GOLM2: variants seen among roughly 807,000 people sequenced by gnomAD.
The protein encoded by GOLM2 is protein GOLM2.
In GOLM2, 26 loss-of-function variants were observed where a neutral mutation model predicts 55.9. The ratio of observed to expected loss-of-function variants is 0.47; its 90% confidence interval spans 0.34 to 0.65. The LOEUF (loss-of-function observed/expected upper bound fraction) is 0.65. Ranked by LOEUF, GOLM2 falls within the 30% of genes least tolerant of loss-of-function variation. The pLI is 0.01. For missense variants in GOLM2, 486 were observed against 531.8 expected, an observed-to-expected ratio of 0.91 and a Z score of 0.85; for synonymous variants, 165 against 194.6, an observed-to-expected ratio of 0.85 and a Z score of 1.27.
Position 44,415,545 on chromosome 15 carries a change from A to G in GOLM2, c.*2139A>G, listed in dbSNP as rs2079668179. ...ATTGATAATATTTCTGACTGTATTA[A>G]TATTTTAGTGCTATAAAATACTATG... On this transcript the variant is annotated 3_prime_UTR_variant, in exon 10 of 10. Coordinates refer to ENST00000299957, the MANE Select transcript of GOLM2 (RefSeq NM_138423.4). The G allele has an allele frequency of 1.3e-5, 2 of 152,642 alleles. No individual in the cohort carries two copies. 9.5% of individuals were successfully genotyped at this position (152,642 alleles called of 1,614,324 possible). A position where few individuals can be genotyped will look rare whatever the true frequency, so the allele number is the denominator to read the frequency against.
chr15:44,312,294 T>C (rs1253099653), intron 1 of GOLM2, among the ~76,000 whole-genome samples: 3 of 152,142 alleles, frequency 2.0e-5, no homozygotes, highest in African/African-American at 7.2e-5. Context: ...CGTTACATAT[T>C]ATATTTCTCC....
intron 1 of GOLM2, among the ~76,000 whole-genome samples, chr15:44,307,041 A>G (rs2078842041): frequency 6.6e-6 from 1 of 152,168 alleles, no homozygotes; most frequent in Non-Finnish European, 1.5e-5. Context: ...ACATAGGGAC[A>G]TGAAGTGAGC....
At chr15:44,392,247 C>T (rs2079495644) in intron 8 of GOLM2, among the ~76,000 whole-genome samples, 1 of 152,060 alleles carries the variant, frequency 6.6e-6, no homozygotes, top group African/African-American at 2.4e-5. Flanking sequence ...TTTTATGAGA[C>T]CAGCATAAGT....
At chr15:44,401,088 C>G (rs1244810205) in intron 8 of GOLM2, among the ~76,000 whole-genome samples, 1 of 152,066 alleles carries the variant, frequency 6.6e-6, no homozygotes, top group Non-Finnish European at 1.5e-5. Context: ...TGTTCCATTG[C>G]AATGTAAATT....
At chr15:44,335,867 T>G (rs2079052699) in intron 4 of GOLM2, among the ~76,000 whole-genome samples, 1 of 148,144 alleles carries the variant, frequency 6.8e-6, no homozygotes, top group Non-Finnish European at 1.5e-5. Flanking sequence ...CAGGCTGGAG[T>G]ACAGTGGCCC....
intron 2 of GOLM2, among the ~76,000 whole-genome samples, chr15:44,326,450 C>A (rs930602649): frequency 1.1e-4 from 16 of 151,474 alleles, no homozygotes; most frequent in Admixed American, 1.1e-3. Flanking sequence ...TTTTATTCTT[C>A]GTTATTGCCA....
At chr15:44,337,656 G>A (rs2079065914) in intron 4 of GOLM2, 107 bp from the exon 5 acceptor site, 1 of 727,210 alleles carries the variant, frequency 1.4e-6, no homozygotes, top group Admixed American at 3.7e-5. Flanking sequence ...TTGAACCCAT[G>A]GTATATGTTT....
At chr15:44,366,867 A>G (rs2079289652) in intron 6 of GOLM2, among the ~76,000 whole-genome samples, 1 of 152,176 alleles carries the variant, frequency 6.6e-6, no homozygotes, top group African/African-American at 2.4e-5. Flanking sequence ...TGTCAAAGAA[A>G]AAAACAAAAA....
chr15:44,328,973 A>G, intron 3 of GOLM2, among the ~76,000 whole-genome samples, 186 bp downstream of exon 3: 1 of 151,904 alleles, frequency 6.6e-6, no homozygotes, highest in Admixed American at 6.6e-5. Flanking sequence ...TTTTATTTTG[A>G]TAAATTAAAC....
chr15:44,310,474 A>G (rs537167362), intron 1 of GOLM2, among the ~76,000 whole-genome samples: 16 of 132,298 alleles, frequency 1.2e-4, no homozygotes, highest in Admixed American at 2.9e-4. Context: ...ATATATGTAT[A>G]TATATATATA....
In GOLM2 at chr15:44,338,282, A is replaced by AT; in HGVS notation, c.767_768insT (p.Glu256AspfsTer3). 1.2e-6 allele frequency: 2 copies of AT among 1,613,910 alleles called. No homozygotes were observed. On this transcript the variant is annotated frameshift_variant, in exon 6 of 10. Coordinates refer to ENST00000299957, the MANE Select transcript of GOLM2 (RefSeq NM_138423.4). LOFTEE classifies it high-confidence loss of function. Reference sequence around the variant, plus strand: ...GATGCAGGGATGCCTGGAATAGAAGAGAATGACCTAGCAAAAGTTGATGAT... The same window carrying AT: ...GATGCAGGGATGCCTGGAATAGAAGATGAATGACCTAGCAAAAGTTGATGAT...
chr15:44,306,043 T>C (rs1277013501), intron 1 of GOLM2, among the ~76,000 whole-genome samples: 1 of 152,236 alleles, frequency 6.6e-6, no homozygotes, highest in Non-Finnish European at 1.5e-5. Context: ...GAGCGTTGGC[T>C]TCCACTTAAA....
rs913156836 is a variant in GOLM2 at position 44,414,539 on chromosome 15, G to A, written c.*1133G>A. ...AGTTGAAGTTGGTGAAGACATTCAT[G>A]ATTTAAACACCAGATCCTGAAAGGG... On this transcript the variant is annotated 3_prime_UTR_variant, in exon 10 of 10. Coordinates refer to ENST00000299957, the MANE Select transcript of GOLM2 (RefSeq NM_138423.4). 6.6e-6 allele frequency: 1 copy of A among 152,124 alleles called. No individual in the cohort carries two copies. The highest frequency in any genetic ancestry group is 2.4e-5 in the African/African-American group (1 of 41,432). The allele number at this position is 152,124 out of a possible 1,614,324, so 9.4% of individuals were successfully genotyped here. A position where few individuals can be genotyped will look rare whatever the true frequency, so the allele number is the denominator to read the frequency against.
rs1384780057 is a variant in GOLM2, at chr15:44,289,080, G to T, written c.51G>T (p.Val17=). 3 of 1,614,088 alleles carry T rather than the reference G, an allele frequency of 1.9e-6. No homozygotes were observed. Among genetic ancestry groups the T allele is most frequent in the Non-Finnish European group, 2.5e-6 (3 of 1,179,992 alleles). ...GGGCTGGCCGCCTGCCCTCTCTCGT[G>T]CTGGTGGTGCTGCTGGTGGTGATCG... ...NRRAGRLPSL[V]LVVLLVVIVV... is the part of the protein sequence containing the mutation. Residue 17 remains valine, a synonymous_variant, in exon 1 of 10, where the codon GTG becomes GTT. Coordinates refer to ENST00000299957, the MANE Select transcript of GOLM2 (RefSeq NM_138423.4). This position sits in a 1 kb window ranked among gnomAD's most constrained non-coding sequence, Gnocchi z 4.8.
intron 6 of GOLM2, among the ~76,000 whole-genome samples, chr15:44,363,166 T>G (rs2079254682): frequency 6.6e-6 from 1 of 152,086 alleles, no homozygotes; most frequent in South Asian, 2.1e-4. Context: ...CCAAAAGCAA[T>G]GGCAACAAAA....
At chr15:44,396,410 TACATTTGCTTTCTCATTTA>T (rs1246969283) in intron 8 of GOLM2, among the ~76,000 whole-genome samples, 4 of 152,200 alleles carry the variant, frequency 2.6e-5, no homozygotes, top group African/African-American at 9.6e-5. Flanking sequence ...GAGAAATGGC[TACATTTGCTTTCTCATTTA>T]ACATTTGCTT....
At chr15:44,300,031 T>G (rs1232420120) in intron 1 of GOLM2, among the ~76,000 whole-genome samples, 3 of 150,884 alleles carry the variant, frequency 2.0e-5, no homozygotes, top group Non-Finnish European at 4.4e-5. Flanking sequence ...GCCCAGGAGT[T>G]TGAAGCTGCA....
chr15:44,387,847 CTTTA>C (rs1199639337), intron 8 of GOLM2, among the ~76,000 whole-genome samples: 1 of 151,326 alleles, frequency 6.6e-6, no homozygotes, highest in Non-Finnish European at 1.5e-5. Context: ...CACAAAAGGT[CTTTA>C]TTTGTATATA....
intron 1 of GOLM2, among the ~76,000 whole-genome samples, chr15:44,303,211 T>G (rs1259502170): frequency 6.6e-6 from 1 of 152,174 alleles, no homozygotes; most frequent in African/African-American, 2.4e-5. Context: ...TCAGTAAATA[T>G]TTGATGATTG....
Sources: allele counts gnomAD v4.1 joint callset (sites outside exome capture counted in the v4.1 genomes callset), GRCh38; gene constraint gnomAD v4.1.1; non-coding constraint Gnocchi (gnomAD v3.1); transcripts MANE v1.5; gene names NCBI Gene and HGNC (gene_info 2026-07-23, HGNC 2026-07-21).